Variants in KLHL13 observed in about 807,000 individuals in gnomAD.
KLHL13 encodes kelch like family member 13.
A neutral mutation model predicts 37.1 loss-of-function variants in KLHL13; 10 were observed. The ratio of observed to expected loss-of-function variants is 0.27; its 90% CI spans 0.17 to 0.46. The LOEUF is 0.46. Among genes scored for constraint, KLHL13 ranks in the 20% least tolerant of loss-of-function variants. KLHL13 has a pLI of 1.00. For synonymous variants in KLHL13, 163 were observed against 181.2 expected (o/e 0.90, Z 0.81); for missense variants, 360 against 509.3 (o/e 0.71, Z 2.82).
At chrX:117,903,135 A>AACACACACACACACACAC (rs751986919) in intron 5 of KLHL13, among the ~76,000 whole-genome samples, 149 of 99,761 alleles carry the variant, frequency 1.5e-3, no homozygotes, top group African/African-American at 5.3e-3. Flanking sequence ...TGACAGGCAA[A>AACACACACACACACACAC]ACACACACAC....
At position 118,032,031 on chromosome X, in the gene KLHL13, G is replaced by A. The variant is rs72607606; in HGVS notation, c.-56+84477C>T. ...TCCCACCCGAATACTGCGCTTTTCC[G>A]ACGGGCTTAAAAAACAGCGCACCAG... On this transcript the variant is annotated intron_variant, in intron 1 of 6. Coordinates refer to the KLHL13 transcript ENST00000371882. Among the ~76,000 whole-genome samples, 553 of 111,282 alleles carry A rather than the reference G, an allele frequency of 5.0e-3. 13 individuals are homozygous for A. In the East Asian group the frequency reaches 0.053, roughly 11 times the overall value.
chrX:117,969,226 T>C (rs774967607), intron 1 of KLHL13, among the ~76,000 whole-genome samples: 83 of 111,406 alleles, frequency 7.5e-4, no homozygotes, highest in African/African-American at 2.5e-3. Context: ...CACACTATTA[T>C]TGTCAAAACT....
At chrX:117,989,477 CAA>C (rs377351378) in intron 1 of KLHL13, among the ~76,000 whole-genome samples, 7 of 92,941 alleles carry the variant, frequency 7.5e-5, no homozygotes, top group African/African-American at 1.2e-4. Flanking sequence ...ACCTCCCCTC[CAA>C]AAAAAAAAAA....
At chrX:118,096,239 A>T (rs2055204303) in intron 1 of KLHL13, among the ~76,000 whole-genome samples, 1 of 111,765 alleles carries the variant, frequency 8.9e-6, no homozygotes, top group Non-Finnish European at 1.9e-5. Context: ...CAAAATGACA[A>T]AGGGGGTATC....
chrX:117,900,398 T>C (rs1930012776), intron 6 of KLHL13, among the ~76,000 whole-genome samples: 1 of 112,204 alleles, frequency 8.9e-6, no homozygotes, highest in African/African-American at 3.2e-5. Flanking sequence ...GGGAAGGTCA[T>C]TTCTGCAATA....
chrX:118,104,555 G>A (rs1278278294), intron 1 of KLHL13, among the ~76,000 whole-genome samples: 1 of 111,716 alleles, frequency 9.0e-6, no homozygotes, highest in Non-Finnish European at 1.9e-5. Context: ...CTTGAATTGA[G>A]AATTCAAAAT....
chrX:118,113,235 T>TA (rs778578580), intron 1 of KLHL13, among the ~76,000 whole-genome samples: 50 of 112,195 alleles, frequency 4.5e-4, no homozygotes, highest in Non-Finnish European at 7.5e-4. Context: ...ATACTGATCA[T>TA]AGAGTTTTTT....
chrX:118,028,448 A>C (rs927986051), intron 1 of KLHL13: 1 of 1,133,250 alleles, frequency 8.8e-7, no homozygotes, highest in African/African-American at 1.8e-5. Context: ...TGCAGCAACC[A>C]ATTCCCCTCT....
chrX:117,933,444 A>G (rs747504092), intron 2 of KLHL13, among the ~76,000 whole-genome samples: 1 of 111,648 alleles, frequency 9.0e-6, no homozygotes, highest in South Asian at 3.7e-4. Context: ...TGGTGCCAGG[A>G]AAACTGGATA....
chrX:118,064,553 C>A (rs146468123), intron 1 of KLHL13, among the ~76,000 whole-genome samples: 1,690 of 112,203 alleles, frequency 0.015, 39 homozygotes, highest in African/African-American at 0.052. Flanking sequence ...ACATGACTCT[C>A]TTTTTGCTCC....
chrX:117,968,473 G>A (rs935293628), intron 1 of KLHL13, among the ~76,000 whole-genome samples: 1 of 111,831 alleles, frequency 8.9e-6, no homozygotes, highest in African/African-American at 3.2e-5. Context: ...CTCAGACAAT[G>A]CAAATTCCCA....
chrX:118,016,603 G>A (rs2054130850), intron 1 of KLHL13, among the ~76,000 whole-genome samples: 1 of 111,769 alleles, frequency 8.9e-6, no homozygotes, highest in Admixed American at 9.5e-5. Context: ...GATACAGCCA[G>A]TCACTCTCTG....
Position 118,040,595 on chromosome X carries a change from T to C in KLHL13, c.-56+75913A>G, listed in dbSNP as rs1018784802. Among the ~76,000 whole-genome samples, 10 of 111,855 alleles carry C rather than the reference T, an allele frequency of 8.9e-5. 1 individual carries two copies. The highest frequency in any genetic ancestry group is 3.2e-4 in the African/African-American group (10 of 30,804). ...CTCAAAAGGGCAAATCTAGGAGTTA[T>C]TGGCATTAAAGAAGTGGTAGATAGA... On this transcript the variant is annotated intron_variant, in intron 1 of 6. Transcript: ENST00000371882.
intron 1 of KLHL13, among the ~76,000 whole-genome samples, chrX:118,100,572 T>C (rs778924946): frequency 5.4e-5 from 6 of 111,472 alleles, no homozygotes; most frequent in African/African-American, 2.0e-4. Context: ...GCCAGTTTCA[T>C]GACCCATTCA....
At chrX:118,084,726 T>C (rs1354438996) in intron 1 of KLHL13, among the ~76,000 whole-genome samples, 2 of 111,524 alleles carry the variant, frequency 1.8e-5, no homozygotes, top group Non-Finnish European at 3.8e-5. Context: ...ACTATGGAGT[T>C]ATTAAAAATA....
intron 1 of KLHL13, among the ~76,000 whole-genome samples, chrX:117,958,398 A>G (rs892057476): frequency 3.6e-5 from 4 of 109,999 alleles, no homozygotes; most frequent in Non-Finnish European, 7.6e-5. Context: ...TACTGTACTC[A>G]CCTATTTTCA....
At chrX:117,938,909 A>C (rs1220501791) in intron 2 of KLHL13, among the ~76,000 whole-genome samples, 1 of 110,719 alleles carries the variant, frequency 9.0e-6, no homozygotes, top group Non-Finnish European at 1.9e-5. Context: ...AAATAGCCGA[A>C]GACTCGTTTT....
chrX:117,929,793 A>C (rs746663734), intron 2 of KLHL13, among the ~76,000 whole-genome samples: 48 of 105,662 alleles, frequency 4.5e-4, no homozygotes, highest in Middle Eastern at 4.7e-3. Flanking sequence ...AAAAAAAAAA[A>C]AAAAAAAAAA....
rs1257751852 is a variant in KLHL13, at chrX:117,949,321, GTTTT to G, written c.99-3750_99-3747del. On this transcript the variant is annotated intron_variant, in intron 1 of 6. Coordinates refer to ENST00000262820, the Ensembl canonical transcript of KLHL13. Reference sequence around the variant, plus strand: ...AAAACTCACTAAATGGACAAATGTGGTTTTTTTTTAATAGCAAGCAACATGACAA... The same window carrying G: ...AAAACTCACTAAATGGACAAATGTGGTTTTTAATAGCAAGCAACATGACAA... 8.1e-5 allele frequency among the ~76,000 whole-genome samples: 9 copies of G among 110,480 alleles called. No homozygotes were observed. In the South Asian group the frequency reaches 3.1e-3, roughly 38 times the overall value.
Sources: allele counts gnomAD v4.1 joint callset (sites outside exome capture counted in the v4.1 genomes callset), GRCh38; gene constraint gnomAD v4.1.1; transcripts MANE v1.5; gene names NCBI Gene and HGNC (gene_info 2026-07-23, HGNC 2026-07-21).